WDR7: variants seen among roughly 807,000 people sequenced by gnomAD.
The protein encoded by WDR7 is WD repeat-containing protein 7.
Under a neutral mutation model 169.4 loss-of-function variants are expected in WDR7, and 46 were observed. The ratio of observed to expected loss-of-function variants is 0.27; its 90% confidence interval spans 0.21 to 0.35. The LOEUF (loss-of-function observed/expected upper bound fraction) is 0.35. Among genes scored for constraint, WDR7 ranks in the 10% least tolerant of loss-of-function variants. WDR7 has a pLI of 1.00. For missense variants in WDR7, 1,534 were observed against 1,859.3 expected (o/e 0.83, Z 3.22); for synonymous variants, 612 against 666.8 (o/e 0.92, Z 1.27).
chr18:56,935,186 G>A (rs1325655679), intron 22 of WDR7, among the ~76,000 whole-genome samples: 1 of 152,164 alleles, frequency 6.6e-6, no homozygotes, highest in Admixed American at 6.6e-5. Flanking sequence ...TCAGTTAATA[G>A]AATTTTTGGC....
At chr18:56,829,120 C>CA (rs34184203) in intron 20 of WDR7, among the ~76,000 whole-genome samples, 18,708 of 109,174 alleles carry the variant, frequency 0.17, 1,491 homozygotes, top group African/African-American at 0.24. Flanking sequence ...TTCACCTCTC[C>CA]AAAAAAAAAA....
chr18:56,678,559 C>T (rs977025283), intron 2 of WDR7, among the ~76,000 whole-genome samples: 6 of 151,990 alleles, frequency 3.9e-5, no homozygotes, highest in Admixed American at 6.6e-5. Context: ...TGCAGTGGAG[C>T]GATCTCGGCT....
chr18:56,984,982 C>T (rs1029139782), intron 26 of WDR7, among the ~76,000 whole-genome samples: 4 of 152,074 alleles, frequency 2.6e-5, no homozygotes, highest in African/African-American at 9.7e-5. Context: ...CATTATTGAC[C>T]CATTGCTGCC....
intron 26 of WDR7, among the ~76,000 whole-genome samples, chr18:57,005,683 G>A (rs1372885912): frequency 6.6e-6 from 1 of 151,986 alleles, no homozygotes; most frequent in African/African-American, 2.4e-5. Flanking sequence ...TTTTCCCGGT[G>A]TTTTTCAAAG....
At chr18:56,732,590 G>A (rs1191147260) in intron 14 of WDR7, among the ~76,000 whole-genome samples, 3 of 152,150 alleles carry the variant, frequency 2.0e-5, no homozygotes, top group Non-Finnish European at 2.9e-5. Context: ...GTAGTTCGCA[G>A]TAATGTCACC....
chr18:56,773,148 T>C (rs2044190053), intron 16 of WDR7, among the ~76,000 whole-genome samples: 2 of 152,160 alleles, frequency 1.3e-5, no homozygotes, highest in Non-Finnish European at 2.9e-5. Context: ...AGCTCTAGCT[T>C]ATTGGACATA....
At chr18:56,786,005 C>T (rs548511821) in intron 19 of WDR7, among the ~76,000 whole-genome samples, 3 of 152,048 alleles carry the variant, frequency 2.0e-5, no homozygotes, top group Non-Finnish European at 2.9e-5. Context: ...CTCTTTGTAA[C>T]GCTTTTAATG....
intron 19 of WDR7, 109 bp from the exon 20 acceptor site, chr18:56,815,922 T>C (rs1284917197): frequency 2.4e-6 from 2 of 835,106 alleles, no homozygotes; most frequent in Non-Finnish European, 3.6e-6. Flanking sequence ...TATATATTTT[T>C]TAATGTATTG....
rs79997651 is a variant in WDR7, at chr18:56,932,273, G to C, written c.3714-3515G>C. On this transcript the variant is annotated intron_variant, in intron 22 of 27. Transcript: ENST00000254442. Reference sequence around the variant, plus strand: ...CCAATGGAGAGAATCCCTCAGGTGCGCACACTGATGCCTCTTCAAAAGTGC... The same window carrying C: ...CCAATGGAGAGAATCCCTCAGGTGCCCACACTGATGCCTCTTCAAAAGTGC... 3.8e-3 allele frequency among the ~76,000 whole-genome samples: 574 copies of C among 152,218 alleles called. 3 individuals carry two copies. Among genetic ancestry groups the C allele is most frequent in the African/African-American group, 0.013 (551 of 41,520 alleles).
At chr18:56,680,523 TTG>T (rs2144567227) in intron 3 of WDR7, among the ~76,000 whole-genome samples, 1 of 152,294 alleles carries the variant, frequency 6.6e-6, no homozygotes, top group East Asian at 1.9e-4. Flanking sequence ...CTTTGAAAAA[TTG>T]TCTTATATAA....
intron 16 of WDR7, among the ~76,000 whole-genome samples, chr18:56,771,845 G>A (rs558961647): frequency 6.6e-6 from 1 of 151,550 alleles, no homozygotes; most frequent in Non-Finnish European, 1.5e-5. Flanking sequence ...TCATGCCATT[G>A]CACTCCAGCC....
chr18:56,898,870 A>G (rs915984414), intron 21 of WDR7, among the ~76,000 whole-genome samples: 1 of 152,126 alleles, frequency 6.6e-6, no homozygotes, highest in Non-Finnish European at 1.5e-5. Flanking sequence ...TTTGATAATC[A>G]TACAATGGTT....
intron 25 of WDR7, among the ~76,000 whole-genome samples, chr18:56,953,536 C>T (rs1458213194): frequency 2.6e-5 from 4 of 152,222 alleles, no homozygotes; most frequent in East Asian, 3.8e-4. Flanking sequence ...TTCAATTCTT[C>T]GTTTGTCTGT....
intron 12 of WDR7, among the ~76,000 whole-genome samples, chr18:56,706,706 G>A (rs2025963529): frequency 6.8e-6 from 1 of 147,812 alleles, no homozygotes. Context: ...TTTTTTTTTT[G>A]AGATGGAGTC....
chr18:56,661,512 T>C (rs991889958), intron 1 of WDR7, among the ~76,000 whole-genome samples: 11 of 152,208 alleles, frequency 7.2e-5, no homozygotes, highest in African/African-American at 2.4e-4. Context: ...CAGGGCTGTT[T>C]AGCAATAAGA....
intron 20 of WDR7, among the ~76,000 whole-genome samples, chr18:56,830,984 C>G (rs942387026): frequency 1.3e-5 from 2 of 152,208 alleles, no homozygotes; most frequent in African/African-American, 2.4e-5. Flanking sequence ...GGTATTCACT[C>G]TGTGCAGCTT....
chr18:56,713,897 G>GTTAA (rs5825201), intron 12 of WDR7, among the ~76,000 whole-genome samples: 5,612 of 152,238 alleles, frequency 0.037, 298 homozygotes, highest in African/African-American at 0.12. Flanking sequence ...AGGAAACCAA[G>GTTAA]TTGTGTTTTA....
At chr18:56,715,651 T>C (rs1422656246) in intron 12 of WDR7, among the ~76,000 whole-genome samples, 1 of 152,070 alleles carries the variant, frequency 6.6e-6, no homozygotes, top group Non-Finnish European at 1.5e-5. Context: ...CTGGGCAACA[T>C]AGAGGCTCTA....
At chr18:56,692,930 G>A (rs577200284) in intron 9 of WDR7, among the ~76,000 whole-genome samples, 45 of 152,174 alleles carry the variant, frequency 3.0e-4, no homozygotes, top group Admixed American at 6.6e-4. Flanking sequence ...GCATGGTGTG[G>A]TGGTACACGC....
Sources: gnomAD v4.1 joint callset for allele counts (sites outside exome capture counted in the v4.1 genomes callset) on GRCh38, gnomAD v4.1.1 for gene constraint, MANE v1.5 for transcripts, NCBI Gene and HGNC (gene_info 2026-07-23, HGNC 2026-07-21) for gene names.